The following UNC13C variants were observed in gnomAD, a reference collection of about 807,000 sequenced individuals.
The protein encoded by UNC13C is protein unc-13 homolog C.
Under a neutral mutation model 245.4 loss-of-function variants are expected in UNC13C, and 174 were observed. That is an observed-to-expected ratio of 0.71 (90% CI 0.63 to 0.80). The LOEUF is 0.80. Ranked by LOEUF, UNC13C falls within the 30% of genes least tolerant of loss-of-function variation. The pLI, the probability that UNC13C is intolerant of heterozygous loss-of-function variation, is 0.00. For missense variants in UNC13C, 2,829 were observed against 2,602.9 expected (o/e 1.09, Z -1.89); for synonymous variants, 992 against 895.1 (o/e 1.11, Z -1.93).
the UNC13C span, among the ~76,000 whole-genome samples, chr15:53,879,961 G>GTGTGTA: frequency 6.6e-6 from 1 of 151,128 alleles, no homozygotes; most frequent in Non-Finnish European, 1.5e-5. Flanking sequence ...GTTTGTGTGT[G>GTGTGTA]TGTGTGTGTG....
At chr15:54,528,557 TTTTCACGTAATAGGAGCATAAATAAA>T (rs1453531516) in intron 25 of UNC13C, among the ~76,000 whole-genome samples, 2 of 152,066 alleles carry the variant, frequency 1.3e-5, no homozygotes, top group African/African-American at 4.8e-5. Flanking sequence ...TTTTTCTATT[TTTTCACGTAATAGGAGCATAAATAAA>T]TTTCACATAA....
chr15:54,115,430 G>A (rs545696380), intron 2 of UNC13C, among the ~76,000 whole-genome samples: 1 of 151,950 alleles, frequency 6.6e-6, no homozygotes, highest in Admixed American at 6.5e-5. Flanking sequence ...CCATGTACAG[G>A]CATATCTTGT....
At chr15:54,225,775 T>C (rs1179877177) in intron 4 of UNC13C, among the ~76,000 whole-genome samples, 1 of 152,224 alleles carries the variant, frequency 6.6e-6, no homozygotes, top group East Asian at 1.9e-4. Flanking sequence ...TGACTTCTTG[T>C]CTTCCCATTT....
At chr15:54,144,493 A>G (rs1385489416) in intron 4 of UNC13C, among the ~76,000 whole-genome samples, 2 of 152,162 alleles carry the variant, frequency 1.3e-5, no homozygotes, top group Non-Finnish European at 2.9e-5. Context: ...TTTTGACTCT[A>G]ATTTTACAAA....
At chr15:54,373,798 C>G (rs1309515704) in intron 17 of UNC13C, among the ~76,000 whole-genome samples, 1 of 152,202 alleles carries the variant, frequency 6.6e-6, no homozygotes, top group Non-Finnish European at 1.5e-5. Flanking sequence ...CTCTTTTAGT[C>G]CTGCTATTCA....
intron 30 of UNC13C, among the ~76,000 whole-genome samples, chr15:54,602,411 T>A (rs1161268002): frequency 6.6e-6 from 1 of 152,160 alleles, no homozygotes. Flanking sequence ...CTTACTTTCA[T>A]GGAAGTGAGA....
chr15:54,307,323 G>C (rs1265601875), intron 13 of UNC13C, among the ~76,000 whole-genome samples: 1 of 151,910 alleles, frequency 6.6e-6, no homozygotes, highest in African/African-American at 2.4e-5. Context: ...CATGGCCAAA[G>C]GGATGGAAGC....
intron 4 of UNC13C, among the ~76,000 whole-genome samples, chr15:54,178,478 A>G (rs113079542): frequency 1.3e-4 from 20 of 152,330 alleles, no homozygotes; most frequent in African/African-American, 4.8e-4. Context: ...TACACAGAAG[A>G]GTAACTCCTA....
chr15:53,981,789 C>A (rs1485782841), intron 1 of UNC13C, among the ~76,000 whole-genome samples: 1 of 152,104 alleles, frequency 6.6e-6, no homozygotes, highest in Non-Finnish European at 1.5e-5. Context: ...AATATTCTAA[C>A]CTCTAGGTCA....
intron 2 of UNC13C, among the ~76,000 whole-genome samples, chr15:54,042,839 C>T (rs374436289): frequency 6.2e-4 from 94 of 151,736 alleles, no homozygotes; most frequent in African/African-American, 2.0e-3. Flanking sequence ...GGTGACAGAG[C>T]GAGACTCTGT....
At chr15:54,324,472 A>T (rs1022667479) in intron 14 of UNC13C, among the ~76,000 whole-genome samples, 3 of 152,100 alleles carry the variant, frequency 2.0e-5, no homozygotes, top group Non-Finnish European at 2.9e-5. Flanking sequence ...CATGATGTGG[A>T]TGAAATATGT....
intron 19 of UNC13C, among the ~76,000 whole-genome samples, chr15:54,445,070 T>A (rs1366722373): frequency 6.6e-6 from 1 of 150,762 alleles, no homozygotes; most frequent in Admixed American, 6.6e-5. Context: ...GCAGTGTTTA[T>A]TTTTTTGTCC....
chr15:54,533,198 GATAA>G (rs1188276804), intron 26 of UNC13C, 132 bp downstream of exon 26: 25 of 626,262 alleles, frequency 4.0e-5, no homozygotes, highest in African/African-American at 5.8e-5. Context: ...TGAATTCAAA[GATAA>G]ATAAATAAAT....
chr15:53,979,402 T>C (rs1394635272), intron 1 of UNC13C, among the ~76,000 whole-genome samples: 3 of 152,214 alleles, frequency 2.0e-5, no homozygotes, highest in Admixed American at 2.0e-4. Context: ...GCTTTACCAA[T>C]GATTTTTTTA....
chr15:54,513,803 A>AT lies in UNC13C; in HGVS notation c.5457+1981dup, dbSNP rs34409534. On this transcript the variant is annotated intron_variant, in intron 24 of 32. Coordinates refer to ENST00000260323, the MANE Select transcript of UNC13C (RefSeq NM_001080534.3). Reference sequence around the variant, plus strand: ...AATCTTCTCCTTTCTTTTTCTAAATATTTTTTTTCATTTCTTTCCTTCCTC... The same window carrying AT: ...AATCTTCTCCTTTCTTTTTCTAAATATTTTTTTTTCATTTCTTTCCTTCCTC... Among the ~76,000 whole-genome samples the AT allele has an allele frequency of 4.6e-5, 7 of 151,834 alleles. No homozygotes were observed. The East Asian group carries it at 5.8e-4, about 13-fold the overall frequency.
At chr15:54,533,571 T>C (rs7176139) in intron 26 of UNC13C, among the ~76,000 whole-genome samples, 35,485 of 152,146 alleles carry the variant, frequency 0.23, 8,232 homozygotes, top group African/African-American at 0.6. Flanking sequence ...AAACCATATT[T>C]TACACACTGG....
chr15:54,029,785 G>A (rs1410603254), intron 2 of UNC13C, among the ~76,000 whole-genome samples: 1 of 152,124 alleles, frequency 6.6e-6, no homozygotes, highest in Non-Finnish European at 1.5e-5. Flanking sequence ...GACCCTATGC[G>A]GCCCTACTCA....
intron 10 of UNC13C, among the ~76,000 whole-genome samples, chr15:54,273,513 A>C (rs6493669): frequency 0.49 from 74,620 of 151,952 alleles, 18,907 homozygotes; most frequent in African/African-American, 0.61. Flanking sequence ...CTGGAAACCT[A>C]TTTGGGTTTT....
At chr15:54,459,233 C>G (rs570931926) in intron 19 of UNC13C, among the ~76,000 whole-genome samples, 1 of 152,308 alleles carries the variant, frequency 6.6e-6, no homozygotes, top group African/African-American at 2.4e-5. Flanking sequence ...TCCCTTCTGA[C>G]TTGCAGTTTT....
Sources: allele counts gnomAD v4.1 joint callset (sites outside exome capture counted in the v4.1 genomes callset), GRCh38; gene constraint gnomAD v4.1.1; transcripts MANE v1.5; gene names NCBI Gene and HGNC (gene_info 2026-07-23, HGNC 2026-07-21).